TRAM1: variants seen among roughly 807,000 people sequenced by gnomAD.
The protein encoded by TRAM1 is translocation associated membrane protein 1.
Under a neutral mutation model 48.7 loss-of-function variants are expected in TRAM1, and 17 were observed. The observed-to-expected ratio is 0.35, with a 90% CI of 0.24 to 0.52. The LOEUF is 0.52. Among genes scored for constraint, TRAM1 ranks in the 20% least tolerant of loss-of-function variants. The pLI is 0.94. For synonymous variants in TRAM1, 182 were observed against 154.0 expected, an observed-to-expected ratio of 1.18 and a Z score of -1.34; for missense variants, 351 against 441.5, an observed-to-expected ratio of 0.79 and a Z score of 1.84.
At chr8:70,585,546 C>T (rs1256466236) in intron 8 of TRAM1, among the ~76,000 whole-genome samples, 4 of 122,292 alleles carry the variant, frequency 3.3e-5, no homozygotes, top group Non-Finnish European at 7.3e-5. Flanking sequence ...GGCTAATATC[C>T]AGAATCTACA....
At chr8:70,579,849 G>T (rs1817037312) in intron 10 of TRAM1, among the ~76,000 whole-genome samples, 1 of 152,092 alleles carries the variant, frequency 6.6e-6, no homozygotes, top group Non-Finnish European at 1.5e-5. Flanking sequence ...AATACAGGAA[G>T]AAAATGAAAA....
At chr8:70,596,046 T>C (rs891957798) in intron 5 of TRAM1, among the ~76,000 whole-genome samples, 4 of 151,936 alleles carry the variant, frequency 2.6e-5, no homozygotes, top group African/African-American at 9.7e-5. Context: ...AAATCAGTTG[T>C]CTCAAGCTTA....
At position 70,577,699 on chromosome 8, in the gene TRAM1, C is replaced by T. The variant is rs183401453; in HGVS notation, c.1052-2694G>A. On this transcript the variant is annotated intron_variant, in intron 10 of 10. Coordinates refer to ENST00000262213, the MANE Select transcript of TRAM1 (RefSeq NM_014294.6). ...CTGAAACATGCCCCTCTGCTCACCACGTTGTGGATGACAAGAAAGAGAGAA... is the reference window on the plus strand; with the variant it reads ...CTGAAACATGCCCCTCTGCTCACCATGTTGTGGATGACAAGAAAGAGAGAA... Among the ~76,000 whole-genome samples the T allele has an allele frequency of 2.0e-5, 3 of 152,342 alleles. No individual in the cohort carries two copies. In the East Asian group the frequency reaches 5.8e-4, roughly 29 times the overall value.
At chr8:70,589,341 A>G (rs573955754) in intron 6 of TRAM1, among the ~76,000 whole-genome samples, 241 of 152,278 alleles carry the variant, frequency 1.6e-3, no homozygotes, top group Admixed American at 2.9e-3. Context: ...GGGTGTTGAG[A>G]TAACATGCAA....
chr8:70,587,748 C>G (rs1324780692), intron 6 of TRAM1: 1 of 152,280 alleles, frequency 6.6e-6, no homozygotes, highest in African/African-American at 2.4e-5. Context: ...GTCATTACAA[C>G]AAGTTTAACA....
chr8:70,603,869 TA>T (rs755992923), intron 1 of TRAM1, among the ~76,000 whole-genome samples: 7 of 152,016 alleles, frequency 4.6e-5, no homozygotes, highest in Non-Finnish European at 7.4e-5. Flanking sequence ...TGAGTTTAAA[TA>T]GAAGAAGAAG....
At position 70,574,317 on chromosome 8, in the gene TRAM1, C is replaced by A; in HGVS notation, c.*615G>T. On this transcript the variant is annotated 3_prime_UTR_variant, in exon 11 of 11. Transcript: ENST00000262213. ...TGATTTAATATGTATGTTAGTAAAA[C>A]TCCACGTGTTGTAACGATTATTATG... The A allele has an allele frequency of 2.8e-6, 1 of 361,676 alleles. No individual in the cohort carries two copies. The highest frequency in any genetic ancestry group is 5.3e-6 in the Non-Finnish European group (1 of 189,054). The allele number at this position is 361,676 out of a possible 1,614,324, so 22.4% of individuals were successfully genotyped here.
chr8:70,576,839 C>A (rs1360659485), intron 10 of TRAM1, among the ~76,000 whole-genome samples: 1 of 152,168 alleles, frequency 6.6e-6, no homozygotes, highest in Non-Finnish European at 1.5e-5. Flanking sequence ...AGCTGTAGTT[C>A]TTCGGTGTTC....
At chr8:70,600,797 G>T (rs1817592464) in intron 1 of TRAM1, among the ~76,000 whole-genome samples, 1 of 151,922 alleles carries the variant, frequency 6.6e-6, no homozygotes, top group Non-Finnish European at 1.5e-5. Flanking sequence ...AGCTTTGTTG[G>T]TTTTTTTTCT....
At chr8:70,588,910 G>A (rs985469305) in intron 6 of TRAM1, among the ~76,000 whole-genome samples, 7 of 152,216 alleles carry the variant, frequency 4.6e-5, no homozygotes, top group African/African-American at 1.7e-4. Context: ...CGATGGAAAT[G>A]GTGGGTTGCT....
intron 1 of TRAM1, among the ~76,000 whole-genome samples, chr8:70,601,394 A>C (rs1817604692): frequency 6.6e-6 from 1 of 152,216 alleles, no homozygotes; most frequent in South Asian, 2.1e-4. Flanking sequence ...TTTTCAAGGA[A>C]GTCTCCCTGT....
In TRAM1 at chr8:70,574,972, A is replaced by G; in HGVS notation, c.1085T>C (p.Val362Ala). 1 of 1,611,076 alleles carries G rather than the reference A, an allele frequency of 6.2e-7. No homozygotes were observed. The highest frequency in any genetic ancestry group is 8.5e-7 in the Non-Finnish European group (1 of 1,178,732). ...TTTTTTATTCCGGGGAGAGTCTGCT[A>G]CATTTGAAGTTAATGTTCCATTCAC... ...NGVNGTLTSN[V>A]ADSPRNKKEK... Residue 362 changes from valine to alanine, a missense_variant, in exon 11 of 11, where the codon GTA becomes GCA. Transcript: ENST00000262213.
chr8:70,591,131 G>A (rs1356136583), intron 6 of TRAM1, among the ~76,000 whole-genome samples: 1 of 152,084 alleles, frequency 6.6e-6, no homozygotes, highest in Non-Finnish European at 1.5e-5. Flanking sequence ...TAGGGGTAGT[G>A]TACCATGAGT....
rs1170868495 is a variant in TRAM1, at chr8:70,573,456, AT to A, written c.*1475del. 1 of 152,616 alleles carries A rather than the reference AT, an allele frequency of 6.6e-6. No individual in the cohort carries two copies. The highest frequency in any genetic ancestry group is 2.4e-5 in the African/African-American group (1 of 41,446). 9.5% of individuals were successfully genotyped at this position (152,616 alleles called of 1,614,324 possible). A position where few individuals can be genotyped will look rare whatever the true frequency, so the allele number is the denominator to read the frequency against. ...CAGGATACAACTTGTGAAAGTAAAA[AT>A]TTTTATTTTGATTGATTTCTCAATG... On this transcript the variant is annotated 3_prime_UTR_variant, in exon 11 of 11. Transcript: ENST00000262213.
At chr8:70,594,344 T>C (rs1481843619) in intron 6 of TRAM1, among the ~76,000 whole-genome samples, 162 bp downstream of exon 6, 2 of 150,830 alleles carry the variant, frequency 1.3e-5, no homozygotes, top group Non-Finnish European at 1.5e-5. Context: ...TTAAGGATTT[T>C]AGGCTTTGTG....
chr8:70,586,845 C>A, intron 8 of TRAM1, 50 bp downstream of exon 8: 1 of 1,489,452 alleles, frequency 6.7e-7, no homozygotes, highest in Non-Finnish European at 9.3e-7. Context: ...ATGTTAGGCA[C>A]TGACTTTAAA....
At chr8:70,588,760 C>T (rs1817283716) in intron 6 of TRAM1, among the ~76,000 whole-genome samples, 1 of 152,204 alleles carries the variant, frequency 6.6e-6, no homozygotes, top group Admixed American at 6.5e-5. Flanking sequence ...ATAAGCTCAA[C>T]AGGCCAGCCT....
chr8:70,586,199 C>A (rs563857715), intron 8 of TRAM1, among the ~76,000 whole-genome samples: 43 of 145,542 alleles, frequency 3.0e-4, no homozygotes, highest in African/African-American at 1.1e-3. Flanking sequence ...TGCATGTTCT[C>A]ACTCATAGGT....
rs537801122 is a variant in TRAM1 at position 70,595,433 on chromosome 8, C to A, written c.485+830G>T. Among the ~76,000 whole-genome samples the A allele has an allele frequency of 1.8e-4, 28 of 152,108 alleles. No individual in the cohort carries two copies. In the South Asian group the frequency reaches 5.8e-3, roughly 32 times the overall value. ...GGTATTACTGCTAGACTTAAAATAC[C>A]CACAGTCAGGTTATTCCCTTCTTTC... On this transcript the variant is annotated intron_variant, in intron 5 of 10. Coordinates refer to ENST00000262213, the MANE Select transcript of TRAM1 (RefSeq NM_014294.6).
Sources: allele counts gnomAD v4.1 joint callset (sites outside exome capture counted in the v4.1 genomes callset), GRCh38; gene constraint gnomAD v4.1.1; transcripts MANE v1.5; gene names NCBI Gene and HGNC (gene_info 2026-07-23, HGNC 2026-07-21).